Variants in RBM20 observed in about 807,000 individuals in gnomAD.
RBM20 encodes the protein RNA-binding protein 20.
A neutral mutation model predicts 110.1 loss-of-function variants in RBM20; 51 were observed. The ratio of observed to expected loss-of-function variants is 0.46; its 90% CI spans 0.37 to 0.59. The LOEUF (loss-of-function observed/expected upper bound fraction) is 0.59, where lower values mean the gene tolerates loss of function less well. Among genes scored for constraint, RBM20 ranks in the 20% least tolerant of loss-of-function variants. The pLI, the probability that RBM20 is intolerant of heterozygous loss-of-function variation, is 0.00. For synonymous variants in RBM20, 589 were observed against 618.2 expected (o/e 0.95, Z 0.70); for missense variants, 1,512 against 1,574.9 (o/e 0.96, Z 0.68).
intron 9 of RBM20, among the ~76,000 whole-genome samples, chr10:110,816,333 A>T (rs1178418975): frequency 8.5e-6 from 1 of 118,212 alleles, no homozygotes; most frequent in East Asian, 2.7e-4. Context: ...ACTACTGCAG[A>T]CCATCTCAAC....
At chr10:110,696,358 T>C (rs1310600470) in intron 1 of RBM20, among the ~76,000 whole-genome samples, 2 of 152,230 alleles carry the variant, frequency 1.3e-5, no homozygotes, top group East Asian at 1.9e-4. Flanking sequence ...TTCCAGATTC[T>C]GTGCTCAGTC....
At chr10:110,822,316 G>A in intron 11 of RBM20, 1 of 417,610 alleles carries the variant, frequency 2.4e-6, no homozygotes, top group Non-Finnish European at 4.6e-6. Context: ...TTATTTCTGT[G>A]ATGGGGGCAA....
rs1471619601 is a variant in RBM20, at chr10:110,820,133, A to T, written c.2612A>T (p.Lys871Ile). The change falls in exon 10 of 14, where the codon AAA becomes ATA. Residue 871 changes from lysine (K) to isoleucine (I), a missense_variant. Physicochemically the swap from Lys to Ile is moderately radical, Grantham distance 102 (BLOSUM62 -3). Coordinates refer to ENST00000369519, the MANE Select transcript of RBM20 (RefSeq NM_001134363.3). Reference protein sequence around the residue: ...ESPQSVGRQEKEAEFSDPENT... With the variant: ...ESPQSVGRQEIEAEFSDPENT... ...CCTCAATCAGTGGGCAGACAGGAGA[A>T]AGAAGCAGAGTTCTCTGATCCGGAA... 1 of 1,551,526 alleles carries T rather than the reference A, an allele frequency of 6.4e-7. No individual in the cohort carries two copies. Among genetic ancestry groups the T allele is most frequent in the East Asian group, 2.4e-5 (1 of 40,936 alleles).
intron 1 of RBM20, chr10:110,761,369 T>C (rs1016791995): frequency 1.4e-4 from 17 of 122,480 alleles, no homozygotes; most frequent in African/African-American, 5.3e-4. Context: ...GCCTTTTACA[T>C]GGCTGTAACT....
intron 1 of RBM20, among the ~76,000 whole-genome samples, chr10:110,680,489 C>T (rs1245564130): frequency 6.6e-6 from 1 of 152,220 alleles, no homozygotes; most frequent in Non-Finnish European, 1.5e-5. Context: ...GAGCCTCCTT[C>T]TCCAAGTCTC....
chr10:110,733,036 C>G (rs1248282914), intron 1 of RBM20, among the ~76,000 whole-genome samples: 3 of 152,168 alleles, frequency 2.0e-5, no homozygotes, highest in African/African-American at 7.2e-5. Flanking sequence ...TGCTGGACAT[C>G]CTAATTCTGT....
chr10:110,660,848 C>G (rs527482802), intron 1 of RBM20, among the ~76,000 whole-genome samples: 26 of 152,272 alleles, frequency 1.7e-4, no homozygotes, highest in Admixed American at 1.6e-3. Flanking sequence ...CCTAAACCAT[C>G]CCTTGCCACC....
intron 1 of RBM20, among the ~76,000 whole-genome samples, chr10:110,661,110 A>G (rs1429218089): frequency 1.3e-5 from 2 of 152,160 alleles, no homozygotes; most frequent in East Asian, 3.8e-4. Flanking sequence ...TTGAATGACT[A>G]AGTGAACTAT....
At chr10:110,744,142 A>G (rs1843751592) in intron 1 of RBM20, among the ~76,000 whole-genome samples, 1 of 152,206 alleles carries the variant, frequency 6.6e-6, no homozygotes, top group Non-Finnish European at 1.5e-5. Flanking sequence ...TTCACCTCTC[A>G]GTGCCTCAGA....
intron 5 of RBM20, among the ~76,000 whole-genome samples, chr10:110,786,810 C>G (rs1455022951): frequency 6.6e-6 from 1 of 152,170 alleles, no homozygotes; most frequent in Non-Finnish European, 1.5e-5. Flanking sequence ...ACTGTGACCA[C>G]GATGGGGGAG....
At chr10:110,702,192 C>A (rs939090210) in intron 1 of RBM20, among the ~76,000 whole-genome samples, 11 of 152,164 alleles carry the variant, frequency 7.2e-5, no homozygotes, top group African/African-American at 2.7e-4. Context: ...TCACTCTCAC[C>A]AAGTGGAAGA....
rs201149204 is a variant in RBM20 at position 110,823,431 on chromosome 10, CTTTTTTTTTTT to C, written c.3317-32_3317-22del. On this transcript the variant is annotated intron_variant, in intron 11 of 13. Transcript: ENST00000369519. ...GGACTCTTTGAGGCATGTTGTATTTCTTTTTTTTTTTTTTTTTTTTTTTTTTTGCCTTGGTT... is the reference window on the plus strand; with the variant it reads ...GGACTCTTTGAGGCATGTTGTATTTCTTTTTTTTTTTTTTTTGCCTTGGTT... The C allele has an allele frequency of 6.2e-3, 8,003 of 1,296,162 alleles. 5 individuals carry two copies. The highest frequency in any genetic ancestry group is 0.021 in the East Asian group (744 of 34,684). 80.3% of individuals were successfully genotyped at this position (1,296,162 alleles called of 1,614,324 possible).
intron 12 of RBM20, among the ~76,000 whole-genome samples, chr10:110,828,176 T>C (rs968649307): frequency 6.6e-6 from 1 of 152,198 alleles, no homozygotes; most frequent in Non-Finnish European, 1.5e-5. Context: ...TGAGCTGTTA[T>C]TAGAAGCCAA....
At chr10:110,808,845 A>G (rs954129152) in intron 7 of RBM20, among the ~76,000 whole-genome samples, 2 of 152,166 alleles carry the variant, frequency 1.3e-5, no homozygotes, top group Admixed American at 1.3e-4. Flanking sequence ...TAGGCCAGCT[A>G]GATCACATCT....
chr10:110,687,995 T>TTGTGTGTGTGTG (rs60479740), intron 1 of RBM20, among the ~76,000 whole-genome samples: 67 of 145,480 alleles, frequency 4.6e-4, no homozygotes, highest in African/African-American at 1.6e-3. Context: ...CTAAATGGTT[T>TTGTGTGTGTGTG]TGTGTGTGTG....
At chr10:110,655,598 C>T (rs1317103611) in intron 1 of RBM20, among the ~76,000 whole-genome samples, 1 of 152,190 alleles carries the variant, frequency 6.6e-6, no homozygotes, top group Admixed American at 6.5e-5. Flanking sequence ...GGCTCCTATT[C>T]ATAGCAAAAG....
At chr10:110,802,124 T>A (rs533200194) in intron 7 of RBM20, among the ~76,000 whole-genome samples, 42 of 152,340 alleles carry the variant, frequency 2.8e-4, no homozygotes, top group African/African-American at 9.9e-4. Flanking sequence ...TTAATAGGGA[T>A]TTTCCCGTTC....
chr10:110,827,135 C>G (rs1844991868), intron 12 of RBM20, among the ~76,000 whole-genome samples: 1 of 152,106 alleles, frequency 6.6e-6, no homozygotes, highest in African/African-American at 2.4e-5. Flanking sequence ...GAGACTTACC[C>G]AGGATGACAT....
intron 7 of RBM20, among the ~76,000 whole-genome samples, chr10:110,802,442 C>G (rs1159654054): frequency 2.7e-5 from 4 of 146,838 alleles, no homozygotes; most frequent in Non-Finnish European, 6.0e-5. Flanking sequence ...AAGTAAGCAT[C>G]CCACCCCATT....
Sources: allele counts gnomAD v4.1 joint callset (sites outside exome capture counted in the v4.1 genomes callset), GRCh38; gene constraint gnomAD v4.1.1; transcripts MANE v1.5; gene names NCBI Gene and HGNC (gene_info 2026-07-23, HGNC 2026-07-21).